DHX34: variants seen among roughly 807,000 people sequenced by gnomAD.
DHX34 encodes DExH-box helicase 34.
In DHX34, 96 loss-of-function variants were observed where a neutral mutation model predicts 111.1. That is an observed-to-expected ratio of 0.86 (90% confidence interval 0.73 to 1.02). DHX34 has a LOEUF of 1.02. Among genes scored for constraint, DHX34 ranks in the 50% least tolerant of loss-of-function variants. DHX34 has a pLI of 0.00. For missense variants in DHX34, 1,560 were observed against 1,579.9 expected (o/e 0.99, Z 0.21); for synonymous variants, 688 against 670.4 (o/e 1.03, Z -0.41).
At chr19:47,373,111 TGCCCAGG>T (rs1970023078) in intron 8 of DHX34, among the ~76,000 whole-genome samples, 188 bp downstream of exon 8, 1 of 152,216 alleles carries the variant, frequency 6.6e-6, no homozygotes, top group Non-Finnish European at 1.5e-5. Flanking sequence ...GGACAGCATG[TGCCCAGG>T]CCCGGGGCTG....
intron 7 of DHX34, among the ~76,000 whole-genome samples, chr19:47,367,616 A>G (rs375922367): frequency 6.6e-6 from 1 of 152,146 alleles, no homozygotes; most frequent in African/African-American, 2.4e-5. Context: ...CATGGCCGGC[A>G]CAGTGGCCCA....
intron 1 of DHX34, among the ~76,000 whole-genome samples, chr19:47,351,171 CTTTT>C (rs955543104): frequency 2.1e-5 from 2 of 93,100 alleles, no homozygotes; most frequent in African/African-American, 8.8e-5. Context: ...TTTTCTTTTT[CTTTT>C]TTTTTTTTTT....
Position 47,377,301 on chromosome 19 carries a change from A to G in DHX34, c.2706+95A>G. ...GGCACCGCGTGGGCTTGGAGGGGCCACCTGGCACCTGGGCTGGCCGCAGGC... is the reference window on the plus strand; with the variant it reads ...GGCACCGCGTGGGCTTGGAGGGGCCGCCTGGCACCTGGGCTGGCCGCAGGC... On this transcript the variant is annotated intron_variant, in intron 13 of 16. Coordinates refer to ENST00000328771, the MANE Select transcript of DHX34 (RefSeq NM_014681.6). The G allele has an allele frequency of 2.3e-6, 3 of 1,312,270 alleles. 1 individual carries two copies. The highest frequency in any genetic ancestry group is 3.1e-6 in the Non-Finnish European group (3 of 954,350). The allele number at this position is 1,312,270 out of a possible 1,614,324, so 81.3% of individuals were successfully genotyped here. A position where few individuals can be genotyped will look rare whatever the true frequency, so the allele number is the denominator to read the frequency against.
intron 9 of DHX34, among the ~76,000 whole-genome samples, chr19:47,374,314 G>A (rs1385361778): frequency 6.6e-6 from 1 of 151,702 alleles, no homozygotes; most frequent in African/African-American, 2.4e-5. Flanking sequence ...GCACGTGCCT[G>A]TAATCCCAGC....
chr19:47,358,155 G>C (rs1364118981), intron 4 of DHX34, 35 bp downstream of exon 4: 1 of 1,589,376 alleles, frequency 6.3e-7, no homozygotes, highest in Non-Finnish European at 8.6e-7. Flanking sequence ...CAGGCGGGGG[G>C]TCTGCATGAG....
chr19:47,367,647 T>C (rs976010702), intron 7 of DHX34, among the ~76,000 whole-genome samples: 25 of 152,116 alleles, frequency 1.6e-4, no homozygotes, highest in Non-Finnish European at 3.5e-4. Flanking sequence ...CCCAGCACTT[T>C]GGGAGGCTGA....
In DHX34 at chr19:47,353,182, G is replaced by A. The variant is rs766834146; in HGVS notation, c.152G>A (p.Arg51His). Residue 51 changes from arginine to histidine, a missense_variant, in exon 2 of 17, where the codon CGT becomes CAT. Physicochemically the swap from Arg to His is conservative, Grantham distance 29. Transcript: ENST00000328771. This position sits in a 1 kb window ranked among gnomAD's most constrained non-coding sequence, Gnocchi z 4.6. Reference sequence around the variant, plus strand: ...TTCTTCCGTGAAGAGGATTACATCCGTCAGGGTTCTGAGGAATGTCAGAAG... The same window carrying A: ...TTCTTCCGTGAAGAGGATTACATCCATCAGGGTTCTGAGGAATGTCAGAAG... ...DAFFREEDYI[R>H]QGSEECQKFW... 27 of 1,614,156 alleles carry A rather than the reference G, an allele frequency of 1.7e-5. No individual in the cohort carries two copies. Among genetic ancestry groups the A allele is most frequent in the Non-Finnish European group, 1.9e-5 (23 of 1,180,026 alleles).
chr19:47,379,605 T>C, intron 13 of DHX34, 105 bp from the exon 14 acceptor site: 3 of 1,492,676 alleles, frequency 2.0e-6, no homozygotes, highest in Non-Finnish European at 2.7e-6. Flanking sequence ...ATGCCTCACA[T>C]AGACAGGGCT....
chr19:47,377,248 A>C, intron 13 of DHX34, 42 bp downstream of exon 13: 1 of 1,580,086 alleles, frequency 6.3e-7, no homozygotes, highest in Non-Finnish European at 8.6e-7. Flanking sequence ...CAGATATGAG[A>C]GCTGCGTTGC....
intron 2 of DHX34, among the ~76,000 whole-genome samples, chr19:47,354,192 A>C (rs2122217388): frequency 6.6e-6 from 1 of 152,164 alleles, no homozygotes; most frequent in Non-Finnish European, 1.5e-5. Context: ...CAAACTCCTG[A>C]CCTCAGGTGA....
chr19:47,353,316 C>A lies in DHX34; in HGVS notation c.286C>A (p.Leu96Ile). The part of the protein sequence containing the change: ...PKHSIPALAD[L>I]PRTYDPRYRI... ...GCACAGCATCCCAGCGCTGGCCGAC[C>A]TACCTCGCACTTACGACCCACGTTA... Residue 96 changes from leucine (L) to isoleucine (I), a missense_variant, in exon 2 of 17, where the codon CTA becomes ATA. Leu to Ile is a conservative substitution (Grantham distance 5). Coordinates refer to ENST00000328771, the MANE Select transcript of DHX34 (RefSeq NM_014681.6). The surrounding 1 kb of genome is among the most constrained non-coding windows in gnomAD (Gnocchi z 4.6). 6.2e-7 allele frequency: 1 copy of A among 1,614,176 alleles called. No individual in the cohort carries two copies. Among genetic ancestry groups the A allele is most frequent in the Non-Finnish European group, 8.5e-7 (1 of 1,180,036 alleles).
At chr19:47,370,929 A>T (rs1473860157) in intron 7 of DHX34, among the ~76,000 whole-genome samples, 1 of 152,208 alleles carries the variant, frequency 6.6e-6, no homozygotes. Flanking sequence ...CAGCCTCGGC[A>T]TCCCTAAGTG....
chr19:47,363,427 T>C (rs997770073), intron 6 of DHX34, among the ~76,000 whole-genome samples: 7 of 151,490 alleles, frequency 4.6e-5, no homozygotes, highest in African/African-American at 1.7e-4. Context: ...AACCCCAGAG[T>C]GTCAGGGTCA....
Position 47,379,923 on chromosome 19 carries a change from C to T in DHX34, c.2920C>T (p.Pro974Ser). The change falls in exon 14 of 17, where the codon CCA (proline) becomes TCA (serine). Residue 974 changes from proline (P) to serine (S), a missense_variant. Pro to Ser is a moderately conservative substitution (Grantham distance 74). Coordinates refer to ENST00000328771, the MANE Select transcript of DHX34 (RefSeq NM_014681.6). ...GCTGGAGGAGGAGGAGGAGGATACG[C>T]CAGTCAGCCCCAAGGAGGTGGCCAC... ...QQLEEEEEDT[P>S]VSPKEVATLS... The T allele has an allele frequency of 1.2e-6, 2 of 1,611,670 alleles. No individual in the cohort carries two copies. Among genetic ancestry groups the T allele is most frequent in the Non-Finnish European group, 1.7e-6 (2 of 1,178,278 alleles).
At position 47,382,023 on chromosome 19, in the gene DHX34, C is replaced by G; in HGVS notation, c.3342C>G (p.Val1114=). ...AALETLQKTS[V]LQRPYHCEAC... is the part of the protein sequence containing the mutation. ...TCGAAACCCTCCAGAAGACATCTGTCCTGCAGAGGCCCTACCACTGCGAGG... is the reference window on the plus strand; with the variant it reads ...TCGAAACCCTCCAGAAGACATCTGTGCTGCAGAGGCCCTACCACTGCGAGG... The change falls in exon 17 of 17, where the codon GTC becomes GTG. Residue 1114 remains valine, a synonymous_variant. Transcript: ENST00000328771. 1 of 1,614,148 alleles carries G rather than the reference C, an allele frequency of 6.2e-7. No individual in the cohort carries two copies. The highest frequency in any genetic ancestry group is 8.5e-7 in the Non-Finnish European group (1 of 1,180,016).
rs202199505 is a variant in DHX34 at position 47,381,216 on chromosome 19, C to T, written c.3190C>T (p.Arg1064Ter). 1.5e-5 allele frequency: 25 copies of T among 1,613,930 alleles called. No individual in the cohort carries two copies. The highest frequency in any genetic ancestry group is 1.9e-5 in the Non-Finnish European group (23 of 1,179,922). ...CACAGACCTGTACAGCGACTGTCTC[C>T]GAACCTTCTGGACCTGCCCCCACTG... Reference protein sequence around the residue: ...NDTDLYSDCLRTFWTCPHCGL... With the variant: ...NDTDLYSDCL The change falls in exon 16 of 17, where the codon CGA (arginine) becomes TGA (stop). Residue 1064 changes from arginine (R) to a stop codon, truncating the protein, a stop_gained. Coordinates refer to ENST00000328771, the MANE Select transcript of DHX34 (RefSeq NM_014681.6). LOFTEE classifies it high-confidence loss of function.
At chr19:47,360,129 G>A (rs375393425) in intron 5 of DHX34, 59 bp downstream of exon 5, 21 of 1,542,992 alleles carry the variant, frequency 1.4e-5, no homozygotes, top group East Asian at 1.1e-4. Context: ...CATGGGGTCC[G>A]GAGGTGTGCG....
rs374860857 is a variant in DHX34 at position 47,375,810 on chromosome 19, C to T, written c.2307+102C>T. On this transcript the variant is annotated intron_variant, in intron 10 of 16. Coordinates refer to ENST00000328771, the MANE Select transcript of DHX34 (RefSeq NM_014681.6). ...ATGGCCCTGTCCTCATTTCAGGAGCCGGGTTTCCATGGACGGTGCTTGGTC... is the reference window on the plus strand; with the variant it reads ...ATGGCCCTGTCCTCATTTCAGGAGCTGGGTTTCCATGGACGGTGCTTGGTC... The T allele has an allele frequency of 3.0e-4, 457 of 1,548,114 alleles. 1 individual carries two copies. The highest frequency in any genetic ancestry group is 3.8e-4 in the Admixed American group (17 of 44,792).
rs376039446 is a variant in DHX34, at chr19:47,380,991, C to T, written c.3158C>T (p.Thr1053Met). ...GACTTCCTCACCTACAACTGCCTCA[C>T]GGTAAGCATGAACCCTCCTTCCCTG... ...VTDFLTYNCL[T>M]NDTDLYSDCL... Residue 1053 changes from threonine (T) to methionine (M), a missense_variant and splice_region_variant, in exon 15 of 17, where the codon ACG (threonine) becomes ATG (methionine). By Grantham distance (81) the Thr-to-Met change is moderately conservative. Coordinates refer to ENST00000328771, the MANE Select transcript of DHX34 (RefSeq NM_014681.6). 9.2e-5 allele frequency: 144 copies of T among 1,571,822 alleles called. No homozygotes were observed. Among genetic ancestry groups the T allele is most frequent in the Non-Finnish European group, 1.2e-4 (137 of 1,160,442 alleles).
Sources: gnomAD v4.1 joint callset for allele counts (sites outside exome capture counted in the v4.1 genomes callset) on GRCh38, gnomAD v4.1.1 for gene constraint, Gnocchi (gnomAD v3.1) non-coding constraint, MANE v1.5 for transcripts, NCBI Gene and HGNC (gene_info 2026-07-23, HGNC 2026-07-21) for gene names.